The following LIN54 variants were observed in gnomAD, a reference collection of about 807,000 sequenced individuals.
LIN54 encodes protein lin-54 homolog.
A neutral mutation model predicts 78.7 loss-of-function variants in LIN54; 9 were observed. The ratio of observed to expected loss-of-function variants is 0.11; its 90% CI spans 0.07 to 0.20. The LOEUF (loss-of-function observed/expected upper bound fraction) is 0.20, where lower values mean the gene tolerates loss of function less well. Ranked by LOEUF, LIN54 falls within the 10% of genes least tolerant of loss-of-function variation. LIN54 has a pLI of 1.00. For missense variants in LIN54, 573 were observed against 889.9 expected (o/e 0.64, Z 4.53); for synonymous variants, 269 against 318.4 (o/e 0.84, Z 1.65).
At chr4:83,002,523 G>A (rs969064314) in intron 1 of LIN54, among the ~76,000 whole-genome samples, 1 of 152,016 alleles carries the variant, frequency 6.6e-6, no homozygotes, top group Non-Finnish European at 1.5e-5. Flanking sequence ...AAATTACAAT[G>A]TATTTCCATA....
chr4:82,992,604 C>A (rs991698969), intron 1 of LIN54, among the ~76,000 whole-genome samples: 1 of 152,202 alleles, frequency 6.6e-6, no homozygotes, highest in Non-Finnish European at 1.5e-5. Context: ...AAGCAAACCA[C>A]GACACAGTGG....
At chr4:82,965,567 T>C (rs1725134365) in intron 4 of LIN54, among the ~76,000 whole-genome samples, 1 of 152,208 alleles carries the variant, frequency 6.6e-6, no homozygotes, top group Non-Finnish European at 1.5e-5. Context: ...AGGTATCCAT[T>C]ACAGCAAGGA....
chr4:82,928,020 A>C lies in LIN54; in HGVS notation c.*82T>G. ...ACAAGGACTGAATTAAAATACAGTA[A>C]TTGTTTTTCTTCCAGAAAATCAAGT... On this transcript the variant is annotated 3_prime_UTR_variant, in exon 13 of 13. Transcript: ENST00000340417. 8.8e-7 allele frequency: 1 copy of C among 1,141,212 alleles called. No individual in the cohort carries two copies. Among genetic ancestry groups the C allele is most frequent in the Non-Finnish European group, 1.3e-6 (1 of 760,566 alleles). 70.7% of individuals were successfully genotyped at this position (1,141,212 alleles called of 1,614,324 possible). A position where few individuals can be genotyped will look rare whatever the true frequency, so the allele number is the denominator to read the frequency against.
At chr4:82,934,216 T>C (rs559646524) in intron 11 of LIN54, among the ~76,000 whole-genome samples, 1 of 152,220 alleles carries the variant, frequency 6.6e-6, no homozygotes, top group South Asian at 2.1e-4. Flanking sequence ...CGGGCCAACG[T>C]GGTGAAACCC....
chr4:83,009,694 G>A (rs1029814956), intron 1 of LIN54, among the ~76,000 whole-genome samples: 1 of 152,144 alleles, frequency 6.6e-6, no homozygotes, highest in African/African-American at 2.4e-5. Flanking sequence ...AATAACAGAG[G>A]TCTCAATTTA....
chr4:82,940,010 G>GTA (rs781629958), intron 5 of LIN54, 48 bp from the exon 6 acceptor site: 282 of 1,346,034 alleles, frequency 2.1e-4, no homozygotes, highest in Non-Finnish European at 2.8e-4. Context: ...ACAGAAAATA[G>GTA]TATTTAAAAC....
chr4:82,947,235 A>ATATATTTTTTTTTTTTTTT, intron 4 of LIN54, among the ~76,000 whole-genome samples: 1 of 44,292 alleles, frequency 2.3e-5, no homozygotes, highest in African/African-American at 1.0e-4. Context: ...ATATATATAT[A>ATATATTTTTTTTTTTTTTT]TTTTTTTTTT....
Position 83,010,687 on chromosome 4 carries a change from G to T in LIN54, c.-236C>A. 8.2e-7 allele frequency: 1 copy of T among 1,224,830 alleles called. No individual in the cohort carries two copies. Among genetic ancestry groups the T allele is most frequent in the Non-Finnish European group, 1.0e-6 (1 of 983,428 alleles). 75.9% of individuals were successfully genotyped at this position (1,224,830 alleles called of 1,614,324 possible). ...GAGCCGGGGTGGCGACGTCGCCGTC[G>T]CCGCCGCCTCTGGTATGTCAGGGGC... On this transcript the variant is annotated 5_prime_UTR_variant, in exon 1 of 13. Transcript: ENST00000340417.
chr4:83,012,339 G>A (rs1040974419), upstream of LIN54, among the ~76,000 whole-genome samples: 1 of 152,154 alleles, frequency 6.6e-6, no homozygotes, highest in Non-Finnish European at 1.5e-5. Context: ...CTGTACAAAG[G>A]GGCATAGGAA....
chr4:82,968,906 A>T (rs770350133), intron 4 of LIN54, among the ~76,000 whole-genome samples: 9 of 152,222 alleles, frequency 5.9e-5, no homozygotes, highest in Non-Finnish European at 1.2e-4. Context: ...TAAAATCCTG[A>T]TACCAGGTCA....
At chr4:82,981,531 T>C (rs1726638882) in intron 2 of LIN54, among the ~76,000 whole-genome samples, 1 of 152,102 alleles carries the variant, frequency 6.6e-6, no homozygotes, top group Non-Finnish European at 1.5e-5. Flanking sequence ...AACCAAATAT[T>C]CTGGTGTCAA....
At chr4:82,977,916 A>C (rs1453291748) in intron 3 of LIN54, among the ~76,000 whole-genome samples, 1 of 152,214 alleles carries the variant, frequency 6.6e-6, no homozygotes, top group East Asian at 1.9e-4. Context: ...GCTGCTAGCC[A>C]AACAAGGAAT....
At chr4:82,967,237 GAA>G in intron 4 of LIN54, among the ~76,000 whole-genome samples, 1 of 148,760 alleles carries the variant, frequency 6.7e-6, no homozygotes, top group East Asian at 2.0e-4. Flanking sequence ...AAAAAAAAAA[GAA>G]AAAAGAAAAA....
At chr4:82,941,867 A>G (rs1354816365) in intron 5 of LIN54, among the ~76,000 whole-genome samples, 2 of 152,238 alleles carry the variant, frequency 1.3e-5, no homozygotes, top group Non-Finnish European at 2.9e-5. Context: ...GAAACTTGAC[A>G]TGGAGAAATA....
At chr4:82,953,414 T>C (rs531371407) in intron 4 of LIN54, among the ~76,000 whole-genome samples, 1 of 152,302 alleles carries the variant, frequency 6.6e-6, no homozygotes, top group South Asian at 2.1e-4. Flanking sequence ...CTGAACTGTA[T>C]AATTTAAAAA....
intron 1 of LIN54, among the ~76,000 whole-genome samples, chr4:83,000,050 AC>A (rs1415053909): frequency 1.3e-5 from 2 of 151,732 alleles, no homozygotes; most frequent in Non-Finnish European, 2.9e-5. Context: ...ATGCCATCAC[AC>A]CTGGCTAAAT....
intron 3 of LIN54, 122 bp from the exon 4 acceptor site, chr4:82,970,591 T>A: frequency 2.3e-6 from 2 of 869,260 alleles, no homozygotes; most frequent in Non-Finnish European, 1.8e-6. Context: ...TGTCAACACT[T>A]AATGAGGCAC....
chr4:83,011,085 A>G (rs1729832524), upstream of LIN54, among the ~76,000 whole-genome samples: 1 of 152,238 alleles, frequency 6.6e-6, no homozygotes, highest in African/African-American at 2.4e-5. Context: ...GGAGGGTGGC[A>G]TAAGGACAAT....
chr4:82,978,345 T>C (rs1385566943), intron 3 of LIN54, among the ~76,000 whole-genome samples: 2 of 152,164 alleles, frequency 1.3e-5, no homozygotes, highest in Non-Finnish European at 2.9e-5. Flanking sequence ...CCATATAGAG[T>C]ATATTAAAAT....
Sources: allele counts gnomAD v4.1 joint callset (sites outside exome capture counted in the v4.1 genomes callset), GRCh38; gene constraint gnomAD v4.1.1; transcripts MANE v1.5; gene names NCBI Gene and HGNC (gene_info 2026-07-23, HGNC 2026-07-21).